Variants in RGS5 observed in about 807,000 individuals in gnomAD.
RGS5 encodes regulator of G protein signaling 5.
RGS5 carries 20 observed loss-of-function variants against 18.9 expected under a neutral mutation model. That is an observed-to-expected ratio of 1.06 (90% CI 0.74 to 1.54). The LOEUF (loss-of-function observed/expected upper bound fraction) is 1.54, where lower values mean the gene tolerates loss of function less well. Among genes scored for constraint, RGS5 ranks in the 40% most tolerant of loss-of-function variants. The pLI is 0.00. For missense variants in RGS5, 201 were observed against 211.8 expected, an observed-to-expected ratio of 0.95 and a Z score of 0.32; for synonymous variants, 57 against 76.2, an observed-to-expected ratio of 0.75 and a Z score of 1.31.
intron 1 of RGS5, among the ~76,000 whole-genome samples, chr1:163,182,760 T>G (rs1658908439): frequency 6.6e-6 from 1 of 152,006 alleles, no homozygotes; most frequent in Non-Finnish European, 1.5e-5. Flanking sequence ...GGTGGAGGGG[T>G]CAGAAGGGAT....
rs542143544 is a variant in RGS5 at position 163,215,618 on chromosome 1, G to A, written c.69+1908C>T. ...TACCTTTACCCAAGACGGCAGCTGC[G>A]AGAGGGAGCTGTTAACTCTTCTACA... On this transcript the variant is annotated intron_variant, in intron 1 of 5. Coordinates refer to the RGS5 transcript ENST00000367903. 2.6e-5 allele frequency among the ~76,000 whole-genome samples: 4 copies of A among 152,262 alleles called. No individual in the cohort carries two copies. The South Asian group carries it at 8.3e-4, about 32-fold the overall frequency.
intron 1 of RGS5, among the ~76,000 whole-genome samples, chr1:163,209,875 A>G (rs1660060087): frequency 6.6e-6 from 1 of 152,144 alleles, no homozygotes; most frequent in East Asian, 1.9e-4. Flanking sequence ...TACAATATTG[A>G]GAAGGGCATA....
intron 2 of RGS5, among the ~76,000 whole-genome samples, chr1:163,274,003 G>A (rs141137557): frequency 1.3e-5 from 2 of 152,312 alleles, no homozygotes; most frequent in African/African-American, 2.4e-5. Flanking sequence ...ATTGGTCACA[G>A]CCAGTAAGGT....
chr1:163,181,369 CT>C (rs1309843388), intron 1 of RGS5, among the ~76,000 whole-genome samples: 1 of 152,160 alleles, frequency 6.6e-6, no homozygotes, highest in Non-Finnish European at 1.5e-5. Context: ...AAGTCTCACT[CT>C]TTTCTTGAAA....
chr1:163,205,559 G>A (rs1230072624), upstream of RGS5, among the ~76,000 whole-genome samples: 1 of 152,114 alleles, frequency 6.6e-6, no homozygotes, highest in East Asian at 1.9e-4. Context: ...ACTTCTTCAT[G>A]GAATGTGAAA....
At chr1:163,221,994 C>T (rs1175222594), upstream of RGS5, among the ~76,000 whole-genome samples, 1 of 152,110 alleles carries the variant, frequency 6.6e-6, no homozygotes, top group Admixed American at 6.5e-5. Flanking sequence ...TAATAATGAC[C>T]TTTACTCAAT....
chr1:163,250,090 C>T (rs546873609), intron 2 of RGS5, among the ~76,000 whole-genome samples: 11 of 152,282 alleles, frequency 7.2e-5, no homozygotes, highest in African/African-American at 2.4e-4. Context: ...TCTGGGCTGA[C>T]TCAGGACACA....
At position 163,299,383 on chromosome 1, in the gene RGS5, A is replaced by G. The variant is rs552390007; in HGVS notation, c.-281+6850T>C. On this transcript the variant is annotated intron_variant, in intron 2 of 5. Transcript: ENST00000618415. ...GGCTTCAGCCATACCACAAAAGAGCAACAATGAAAAACTCAGGGAGTCCAT... is the reference window on the plus strand; with the variant it reads ...GGCTTCAGCCATACCACAAAAGAGCGACAATGAAAAACTCAGGGAGTCCAT... 2.0e-5 allele frequency among the ~76,000 whole-genome samples: 3 copies of G among 152,314 alleles called. No individual in the cohort carries two copies. In the East Asian group the frequency reaches 5.8e-4, roughly 29 times the overall value.
In RGS5 at chr1:163,259,400, G is replaced by A. The variant is rs191010736; in HGVS notation, c.-281+46833C>T. On this transcript the variant is annotated intron_variant, in intron 2 of 5. Coordinates refer to the RGS5 transcript ENST00000618415. ...GGGATGGTCTCGATCTCCTGACCTC[G>A]TGATCCGCCCGCCTCTGCTTCCCAA... Among the ~76,000 whole-genome samples the A allele has an allele frequency of 6.6e-5, 10 of 151,024 alleles. No individual in the cohort carries two copies. The East Asian group carries it at 1.8e-3, about 27-fold the overall frequency.
chr1:163,288,892 A>C (rs1156641202), intron 2 of RGS5, among the ~76,000 whole-genome samples: 1 of 152,148 alleles, frequency 6.6e-6, no homozygotes, highest in East Asian at 1.9e-4. Flanking sequence ...CTCAATTAGA[A>C]ACCTAAAAGT....
chr1:163,285,888 A>G (rs564996371), intron 2 of RGS5, among the ~76,000 whole-genome samples: 2 of 152,114 alleles, frequency 1.3e-5, no homozygotes, highest in African/African-American at 4.8e-5. Context: ...AATCCTGTAC[A>G]GCCCACAGAA....
chr1:163,303,423 T>C (rs34090870), intron 2 of RGS5, among the ~76,000 whole-genome samples: 3 of 152,220 alleles, frequency 2.0e-5, no homozygotes, highest in Non-Finnish European at 4.4e-5. Flanking sequence ...AGCTTGTGGA[T>C]TATTTTTTTA....
At chr1:163,151,839 A>G (rs1657387130) in intron 4 of RGS5, among the ~76,000 whole-genome samples, 1 of 152,204 alleles carries the variant, frequency 6.6e-6, no homozygotes, top group African/African-American at 2.4e-5. Context: ...CTTATCTGGA[A>G]TGCTTGGGAC....
intron 2 of RGS5, among the ~76,000 whole-genome samples, chr1:163,284,925 TA>T (rs1182892358): frequency 2.6e-5 from 4 of 152,120 alleles, no homozygotes; most frequent in Non-Finnish European, 5.9e-5. Context: ...GGGTAATTTA[TA>T]AAGAAAAAGA....
At chr1:163,175,673 A>G (rs962256227) in intron 1 of RGS5, among the ~76,000 whole-genome samples, 4 of 152,228 alleles carry the variant, frequency 2.6e-5, no homozygotes, top group African/African-American at 9.6e-5. Context: ...AGTTTGAACT[A>G]CAGAAAATTC....
intron 2 of RGS5, among the ~76,000 whole-genome samples, chr1:163,235,457 G>T (rs1647598125): frequency 6.6e-6 from 1 of 152,200 alleles, no homozygotes; most frequent in South Asian, 2.1e-4. Flanking sequence ...CTTACCTCCA[G>T]CCACGGACAT....
upstream of RGS5, among the ~76,000 whole-genome samples, chr1:163,218,633 T>A (rs192905659): frequency 2.8e-3 from 429 of 151,904 alleles, 5 homozygotes; most frequent in Middle Eastern, 0.014. Flanking sequence ...TAAAAAAAAA[T>A]TTATGTAAAA....
intron 2 of RGS5, chr1:163,162,643 T>C (rs982222744): frequency 3.3e-5 from 5 of 152,122 alleles, no homozygotes; most frequent in Non-Finnish European, 7.4e-5. Flanking sequence ...AGGAATGTTA[T>C]ACACAAATGC....
chr1:163,186,671 T>C (rs940073295), intron 1 of RGS5, among the ~76,000 whole-genome samples: 5 of 151,330 alleles, frequency 3.3e-5, no homozygotes, highest in Admixed American at 3.3e-4. Flanking sequence ...TAAAAGTTCA[T>C]CTGATAAAAT....
Sources: allele counts gnomAD v4.1 joint callset (sites outside exome capture counted in the v4.1 genomes callset), GRCh38; gene constraint gnomAD v4.1.1; transcripts MANE v1.5; gene names NCBI Gene and HGNC (gene_info 2026-07-23, HGNC 2026-07-21).